Variants in LRP1B observed in about 807,000 individuals in gnomAD.
LRP1B encodes low-density lipoprotein receptor-related protein 1B.
Under a neutral mutation model 556.6 loss-of-function variants are expected in LRP1B, and 217 were observed. That is an observed-to-expected ratio of 0.39 (90% confidence interval 0.35 to 0.44). LRP1B has a LOEUF of 0.44. Among genes scored for constraint, LRP1B ranks in the 20% least tolerant of loss-of-function variants. LRP1B has a pLI of 1.00. For synonymous variants in LRP1B, 2,047 were observed against 1,865.8 expected (o/e 1.10, Z -2.50); for missense variants, 5,053 against 5,620.8 (o/e 0.90, Z 3.23).
intron 11 of LRP1B, among the ~76,000 whole-genome samples, chr2:141,027,695 G>T (rs993244853): frequency 6.6e-6 from 1 of 152,090 alleles, no homozygotes; most frequent in African/African-American, 2.4e-5. Context: ...GTGTGAGGGC[G>T]CAATGGACTA....
chr2:140,969,860 C>T (rs1402304126), intron 18 of LRP1B, among the ~76,000 whole-genome samples: 4 of 152,202 alleles, frequency 2.6e-5, no homozygotes, highest in African/African-American at 9.6e-5. Flanking sequence ...CCACTCTCTT[C>T]TGGCTTGTAG....
intron 1 of LRP1B, among the ~76,000 whole-genome samples, chr2:141,987,106 C>T (rs906006305): frequency 1.3e-5 from 2 of 151,708 alleles, no homozygotes; most frequent in African/African-American, 4.8e-5. Flanking sequence ...TCATCTTTAC[C>T]TTTATCTCCA....
intron 2 of LRP1B, among the ~76,000 whole-genome samples, chr2:141,710,525 C>A (rs1692318905): frequency 6.6e-6 from 1 of 152,104 alleles, no homozygotes; most frequent in African/African-American, 2.4e-5. Flanking sequence ...TTAGGTTCTT[C>A]CACTCAAGTG....
intron 3 of LRP1B, among the ~76,000 whole-genome samples, chr2:141,307,679 G>A (rs1387810825): frequency 6.6e-6 from 1 of 152,160 alleles, no homozygotes; most frequent in Non-Finnish European, 1.5e-5. Flanking sequence ...TGCATGCCAG[G>A]TGGGTCACTC....
chr2:141,870,503 GAAGGC>G (rs1307283779), intron 1 of LRP1B, among the ~76,000 whole-genome samples: 5 of 151,930 alleles, frequency 3.3e-5, no homozygotes, highest in African/African-American at 1.2e-4. Flanking sequence ...ATTCATATCT[GAAGGC>G]AAGTAGATAA....
intron 11 of LRP1B, among the ~76,000 whole-genome samples, chr2:141,032,826 C>CATACATATATATATAT: frequency 1.4e-4 from 18 of 126,662 alleles, no homozygotes; most frequent in East Asian, 5.0e-4. Flanking sequence ...TATATACATA[C>CATACATATATATATAT]ATATATATAT....
chr2:140,871,652 C>T (rs1343716010), intron 25 of LRP1B, among the ~76,000 whole-genome samples: 1 of 152,000 alleles, frequency 6.6e-6, no homozygotes, highest in Non-Finnish European at 1.5e-5. Context: ...AAGGAAAATA[C>T]ATTTTGGAGA....
chr2:141,122,693 G>A (rs1289589983), intron 7 of LRP1B, among the ~76,000 whole-genome samples: 2 of 152,238 alleles, frequency 1.3e-5, no homozygotes, highest in East Asian at 1.9e-4. Context: ...ACAGTGTGGC[G>A]ATTCCTCAAG....
chr2:141,493,319 A>C (rs946247785), intron 2 of LRP1B, among the ~76,000 whole-genome samples: 2 of 152,124 alleles, frequency 1.3e-5, no homozygotes, highest in Admixed American at 6.6e-5. Context: ...TTTTTTGTGT[A>C]GTAGACTATG....
chr2:141,852,122 T>C (rs372116115), intron 1 of LRP1B, among the ~76,000 whole-genome samples: 4 of 151,872 alleles, frequency 2.6e-5, no homozygotes, highest in East Asian at 3.9e-4. Context: ...AATAGGTAGT[T>C]GTGATTAATA....
chr2:140,922,509 T>C (rs1694767484), intron 21 of LRP1B, among the ~76,000 whole-genome samples: 1 of 151,998 alleles, frequency 6.6e-6, no homozygotes, highest in African/African-American at 2.4e-5. Flanking sequence ...ATCTTTCTTT[T>C]CTAAGTCATC....
At chr2:140,986,508 C>T (rs965901310) in intron 17 of LRP1B, among the ~76,000 whole-genome samples, 3 of 152,098 alleles carry the variant, frequency 2.0e-5, no homozygotes, top group Admixed American at 6.6e-5. Flanking sequence ...ATTGCCAATG[C>T]TGAGTTTTAC....
chr2:141,324,968 C>G (rs918087213), intron 3 of LRP1B, among the ~76,000 whole-genome samples: 9 of 151,922 alleles, frequency 5.9e-5, no homozygotes, highest in African/African-American at 1.9e-4. Flanking sequence ...TTCTCCTTTT[C>G]CAATGAATAA....
At chr2:142,005,437 T>C (rs1336618716) in intron 1 of LRP1B, among the ~76,000 whole-genome samples, 1 of 152,172 alleles carries the variant, frequency 6.6e-6, no homozygotes, top group Non-Finnish European at 1.5e-5. Flanking sequence ...TACCAGTTGA[T>C]AGTTTCAACT....
At chr2:140,962,686 G>A (rs1014477421) in intron 18 of LRP1B, among the ~76,000 whole-genome samples, 1 of 152,166 alleles carries the variant, frequency 6.6e-6, no homozygotes, top group African/African-American at 2.4e-5. Context: ...GCAATGAGCA[G>A]CCACCAGTGA....
At chr2:140,687,462 T>C (rs553101189) in intron 41 of LRP1B, among the ~76,000 whole-genome samples, 197 of 152,188 alleles carry the variant, frequency 1.3e-3, no homozygotes, top group Non-Finnish European at 2.2e-3. Flanking sequence ...GGGAAAAGAT[T>C]TGGCATATAA....
At chr2:140,591,446 A>G (rs1195234614) in intron 43 of LRP1B, among the ~76,000 whole-genome samples, 1 of 152,210 alleles carries the variant, frequency 6.6e-6, no homozygotes, top group African/African-American at 2.4e-5. Flanking sequence ...GGCATGTGAG[A>G]CAGAATAGAA....
chr2:141,555,803 C>A (rs1330025040), intron 2 of LRP1B, among the ~76,000 whole-genome samples: 1 of 151,874 alleles, frequency 6.6e-6, no homozygotes, highest in Non-Finnish European at 1.5e-5. Context: ...CATCTTTATA[C>A]AGATTAAAAG....
chr2:140,308,717 A>ATTGAGTGTAAGGAATAGCAGTAT (rs1491459738), intron 83 of LRP1B, among the ~76,000 whole-genome samples: 2 of 151,426 alleles, frequency 1.3e-5, no homozygotes, highest in Non-Finnish European at 2.9e-5. Context: ...TAATAAAAAC[A>ATTGAGTGTAAGGAATAGCAGTAT]TTGAGTGTAA....
Sources: gnomAD v4.1 joint callset for allele counts (sites outside exome capture counted in the v4.1 genomes callset) on GRCh38, gnomAD v4.1.1 for gene constraint, MANE v1.5 for transcripts, NCBI Gene and HGNC (gene_info 2026-07-23, HGNC 2026-07-21) for gene names.